NDE1: variants seen among roughly 807,000 people sequenced by gnomAD.
The protein encoded by NDE1 is nuclear distribution protein nudE homolog 1.
Under a neutral mutation model 43.4 loss-of-function variants are expected in NDE1, and 28 were observed. The ratio of observed to expected loss-of-function variants is 0.65; its 90% confidence interval spans 0.48 to 0.89. NDE1 has a LOEUF of 0.89. Among genes scored for constraint, NDE1 ranks in the 40% least tolerant of loss-of-function variants. The pLI, the probability that NDE1 is intolerant of heterozygous loss-of-function variation, is 0.00. For synonymous variants in NDE1, 184 were observed against 172.0 expected, an observed-to-expected ratio of 1.07 and a Z score of -0.55; for missense variants, 441 against 434.1, an observed-to-expected ratio of 1.02 and a Z score of -0.14.
chr16:15,717,235 C>T (rs774787313), intron 8 of NDE1: 2 of 1,614,228 alleles, frequency 1.2e-6, no homozygotes, highest in South Asian at 2.2e-5. Flanking sequence ...CCCCCTCCAT[C>T]TCGTGGAGCT....
In NDE1 at chr16:15,718,156, G is replaced by T. The variant is rs777752397; in HGVS notation, c.948-6035G>T. The T allele has an allele frequency of 6.1e-4, 696 of 1,148,744 alleles. 2 individuals are homozygous for T. Among genetic ancestry groups the T allele is most frequent in the Non-Finnish European group, 6.8e-4 (542 of 791,658 alleles). 71.2% of individuals were successfully genotyped at this position (1,148,744 alleles called of 1,614,324 possible). A position where few individuals can be genotyped will look rare whatever the true frequency, so the allele number is the denominator to read the frequency against. ...TGAAGACAGCAGCCTGGGCACTGGT[G>T]TAAGGGCCCTGGATCTCTACTCTCA... On this transcript the variant is annotated intron_variant, in intron 8 of 8. Transcript: ENST00000396354.
intron 1 of NDE1, among the ~76,000 whole-genome samples, chr16:15,650,996 C>T (rs996338335): frequency 6.6e-6 from 1 of 152,144 alleles, no homozygotes; most frequent in African/African-American, 2.4e-5. Flanking sequence ...GGGTAAAGGA[C>T]GAAAATGCTT....
At chr16:15,693,598 C>G (rs1028014369) in intron 6 of NDE1, among the ~76,000 whole-genome samples, 2 of 151,890 alleles carry the variant, frequency 1.3e-5, no homozygotes, top group South Asian at 2.1e-4. Flanking sequence ...ACTAGGAGTT[C>G]ATGATCAGCC....
chr16:15,696,950 C>CT, intron 8 of NDE1, 90 bp downstream of exon 8: 2 of 1,562,024 alleles, frequency 1.3e-6, no homozygotes, highest in Non-Finnish European at 1.7e-6. Context: ...AGCCATGTGT[C>CT]TTTTTAAATT....
rs59799809 is a variant in NDE1 at position 15,712,882 on chromosome 16, G to GTT, written c.948-11297_948-11296dup. 4.6e-4 allele frequency: 42 copies of GTT among 90,608 alleles called. 3 individuals carry two copies. Among genetic ancestry groups the GTT allele is most frequent in the African/African-American group, 1.1e-3 (24 of 22,254 alleles). The allele number at this position is 90,608 out of a possible 1,614,324, so 5.6% of individuals were successfully genotyped here. ...GGGAACCAGCAACTCTTCACATACA[G>GTT]TTTTTTTTTTTTTGAGACCGAGTCT... On this transcript the variant is annotated intron_variant, in intron 8 of 8. Coordinates refer to ENST00000396354, the MANE Select transcript of NDE1 (RefSeq NM_017668.3).
intron 8 of NDE1, chr16:15,697,062 T>C: frequency 1.3e-6 from 2 of 1,488,598 alleles, no homozygotes; most frequent in Non-Finnish European, 1.8e-6. Context: ...AGGGTCTTGT[T>C]TTGTGAGACA....
chr16:15,695,745 GT>G, intron 7 of NDE1: 1 of 977,458 alleles, frequency 1.0e-6, no homozygotes, highest in Non-Finnish European at 1.2e-6. Flanking sequence ...TTTACTTCTG[GT>G]TTTTGGCTGT....
At chr16:15,694,661 T>C (rs747898585) in intron 7 of NDE1, 162 of 985,074 alleles carry the variant, frequency 1.6e-4, no homozygotes, top group Admixed American at 2.5e-4. Flanking sequence ...TTCATAGCAG[T>C]GTGGTGAGTT....
At chr16:15,657,939 T>C (rs1435332364) in intron 1 of NDE1, among the ~76,000 whole-genome samples, 1 of 152,294 alleles carries the variant, frequency 6.6e-6, no homozygotes, top group African/African-American at 2.4e-5. Context: ...GTAAGGTCGT[T>C]GATTCCATAC....
In NDE1 at chr16:15,696,823, C is replaced by A; in HGVS notation, c.910C>A (p.Arg304=). The part of the protein sequence containing the change: ...SSKNRDGGER[R]PSSTSVPLGD... ...CAAGAACAGAGATGGCGGGGAGAGA[C>A]GGCCAAGCAGCACCAGCGTGCCTTT... Residue 304 remains arginine, a synonymous_variant, in exon 8 of 9, where the codon CGG becomes AGG. Transcript: ENST00000396354. The A allele has an allele frequency of 1.2e-6, 2 of 1,614,170 alleles. No homozygotes were observed. Among genetic ancestry groups the A allele is most frequent in the Non-Finnish European group, 1.7e-6 (2 of 1,180,022 alleles).
chr16:15,715,158 G>T (rs1205372654), intron 8 of NDE1: 1 of 1,613,382 alleles, frequency 6.2e-7, no homozygotes. Flanking sequence ...GGGTGGCAGG[G>T]GCTACCTGCT....
At chr16:15,688,494 A>G (rs2038553334) in intron 5 of NDE1, among the ~76,000 whole-genome samples, 3 of 151,176 alleles carry the variant, frequency 2.0e-5, no homozygotes, top group Admixed American at 6.6e-5. Flanking sequence ...ACATGAGGGT[A>G]TGGTGGTGGG....
chr16:15,704,554 C>G (rs1241197481), intron 8 of NDE1, among the ~76,000 whole-genome samples: 1 of 152,186 alleles, frequency 6.6e-6, no homozygotes, highest in Non-Finnish European at 1.5e-5. Flanking sequence ...AGAGAACATA[C>G]TGTTTTTCTT....
At chr16:15,706,020 TTCA>T (rs923414325) in intron 8 of NDE1, among the ~76,000 whole-genome samples, 45 of 122,640 alleles carry the variant, frequency 3.7e-4, no homozygotes, top group Admixed American at 3.2e-4. Context: ...GGCCCAGAGA[TTCA>T]TGATCACTGA....
At chr16:15,653,571 A>G (rs2036605857) in intron 1 of NDE1, among the ~76,000 whole-genome samples, 1 of 152,016 alleles carries the variant, frequency 6.6e-6, no homozygotes, top group Non-Finnish European at 1.5e-5. Flanking sequence ...GCTCCTGACT[A>G]GCAGTGCTGG....
chr16:15,657,859 C>T (rs1741901115), intron 1 of NDE1, among the ~76,000 whole-genome samples: 1 of 152,152 alleles, frequency 6.6e-6, no homozygotes, highest in Non-Finnish European at 1.5e-5. Context: ...GCCTCGGCCT[C>T]ACAAAGGGCT....
intron 8 of NDE1, among the ~76,000 whole-genome samples, chr16:15,723,094 A>G (rs2151215430): frequency 6.6e-6 from 1 of 152,288 alleles, no homozygotes; most frequent in South Asian, 2.1e-4. Flanking sequence ...ACTAAATCAT[A>G]TTTACTAAAT....
At chr16:15,654,742 G>C (rs1241564278) in intron 1 of NDE1, among the ~76,000 whole-genome samples, 2 of 148,076 alleles carry the variant, frequency 1.4e-5, no homozygotes, top group Admixed American at 1.4e-4. Flanking sequence ...GATCTAGTTT[G>C]CCTCTGCTGC....
chr16:15,720,517 G>T (rs1451590861), intron 8 of NDE1, among the ~76,000 whole-genome samples: 2 of 151,916 alleles, frequency 1.3e-5, no homozygotes. Context: ...GAGGCCAACA[G>T]GAGAATGGAT....
Sources: allele counts gnomAD v4.1 joint callset (sites outside exome capture counted in the v4.1 genomes callset), GRCh38; gene constraint gnomAD v4.1.1; transcripts MANE v1.5; gene names NCBI Gene and HGNC (gene_info 2026-07-23, HGNC 2026-07-21).